KDELR2: variants seen among roughly 807,000 people sequenced by gnomAD.
KDELR2 encodes the protein KDEL endoplasmic reticulum protein retention receptor 2, also known as ER lumen protein-retaining receptor 2.
In KDELR2, 15 loss-of-function variants were observed where a neutral mutation model predicts 23.9. The ratio of observed to expected loss-of-function variants is 0.63; its 90% CI spans 0.42 to 0.97. KDELR2 has a LOEUF of 0.97. KDELR2 is among the 50% of genes least tolerant of loss of function. KDELR2 has a pLI of 0.00. For synonymous variants in KDELR2, 119 were observed against 106.2 expected (o/e 1.12, Z -0.74); for missense variants, 272 against 254.6 (o/e 1.07, Z -0.46).
chr7:6,462,924 A>C lies in KDELR2; in HGVS notation c.*217T>G, dbSNP rs764794722. On this transcript the variant is annotated 3_prime_UTR_variant, in exon 5 of 5. Coordinates refer to ENST00000258739, the MANE Select transcript of KDELR2 (RefSeq NM_006854.4). ...AGCATTAAGTTTCTTTGTGTAAAAAAATCTTTGTACACAGTAATAAAAAAA... is the reference window on the plus strand; with the variant it reads ...AGCATTAAGTTTCTTTGTGTAAAAACATCTTTGTACACAGTAATAAAAAAA... 1.0e-5 allele frequency: 15 copies of C among 1,502,180 alleles called. No homozygotes were observed. In the Admixed American group the frequency reaches 1.8e-4, roughly 18 times the overall value. 93.1% of individuals were successfully genotyped at this position (1,502,180 alleles called of 1,614,324 possible).
intron 2 of KDELR2, among the ~76,000 whole-genome samples, chr7:6,473,117 C>G (rs576534806): frequency 9.1e-6 from 1 of 109,924 alleles, no homozygotes; most frequent in Admixed American, 1.1e-4. Flanking sequence ...AGACAGGGGT[C>G]TAACTATGTT....
intron 1 of KDELR2, among the ~76,000 whole-genome samples, chr7:6,477,697 G>A (rs546774622): frequency 6.6e-6 from 1 of 152,302 alleles, no homozygotes; most frequent in East Asian, 1.9e-4. Context: ...GTCTCTCTCT[G>A]TAGCCCAGGC....
In KDELR2 at chr7:6,462,915, G is replaced by C. The variant is rs767012520; in HGVS notation, c.*226C>G. 14 of 1,442,018 alleles carry C rather than the reference G, an allele frequency of 9.7e-6. No homozygotes were observed. In the East Asian group the frequency reaches 1.6e-4, roughly 17 times the overall value. 89.3% of individuals were successfully genotyped at this position (1,442,018 alleles called of 1,614,324 possible). On this transcript the variant is annotated 3_prime_UTR_variant, in exon 5 of 5. Coordinates refer to ENST00000258739, the MANE Select transcript of KDELR2 (RefSeq NM_006854.4). ...TATTAATACAGCATTAAGTTTCTTT[G>C]TGTAAAAAAATCTTTGTACACAGTA...
At chr7:6,478,324 T>G (rs1785799276) in intron 1 of KDELR2, among the ~76,000 whole-genome samples, 1 of 151,978 alleles carries the variant, frequency 6.6e-6, no homozygotes, top group Non-Finnish European at 1.5e-5. Flanking sequence ...TTTTTCATTT[T>G]TTTTGTAGAG....
At chr7:6,474,060 G>C (rs568605461) in intron 2 of KDELR2, 124 bp downstream of exon 2, 7 of 622,922 alleles carry the variant, frequency 1.1e-5, no homozygotes, top group African/African-American at 1.1e-4. Flanking sequence ...TTAAAGTCAA[G>C]AACAGCATAT....
intron 3 of KDELR2, 120 bp downstream of exon 3, chr7:6,469,476 C>A (rs753807064): frequency 1.1e-6 from 1 of 880,592 alleles, no homozygotes; most frequent in South Asian, 1.7e-5. Context: ...AGGCTGGTCT[C>A]GAACTCCTGA....
chr7:6,481,846 T>C (rs1430100348), intron 1 of KDELR2, among the ~76,000 whole-genome samples: 1 of 152,234 alleles, frequency 6.6e-6, no homozygotes, highest in Admixed American at 6.5e-5. Flanking sequence ...GACATTCATC[T>C]ATCCAATCCT....
intron 1 of KDELR2, among the ~76,000 whole-genome samples, chr7:6,479,031 C>T (rs1243206319): frequency 6.6e-6 from 1 of 152,114 alleles, no homozygotes; most frequent in Non-Finnish European, 1.5e-5. Context: ...TCAGGTGATC[C>T]ACCTACCTCG....
At chr7:6,473,485 T>C (rs1044320734) in intron 2 of KDELR2, among the ~76,000 whole-genome samples, 15 of 152,304 alleles carry the variant, frequency 9.8e-5, no homozygotes, top group African/African-American at 3.4e-4. Context: ...CTACACAAAG[T>C]GTTAGGTGGT....
chr7:6,483,964 C>T lies in KDELR2; in HGVS notation c.91+3G>A. 6.6e-7 allele frequency: 1 copy of T among 1,515,420 alleles called. No individual in the cohort carries two copies. Among genetic ancestry groups the T allele is most frequent in the Non-Finnish European group, 8.9e-7 (1 of 1,127,948 alleles). 93.9% of individuals were successfully genotyped at this position (1,515,420 alleles called of 1,614,324 possible). A position where few individuals can be genotyped will look rare whatever the true frequency, so the allele number is the denominator to read the frequency against. ...CCTCTCCGGGCCTTCCCCCGCCGCTCACCGGCGCAGGAGCGCGTCTTCCAG... is the reference window on the plus strand; with the variant it reads ...CCTCTCCGGGCCTTCCCCCGCCGCTTACCGGCGCAGGAGCGCGTCTTCCAG... On this transcript the variant is annotated splice_donor_region_variant and intron_variant, in intron 1 of 4. Transcript: ENST00000258739.
intron 1 of KDELR2, among the ~76,000 whole-genome samples, chr7:6,483,676 C>G (rs1785962029): frequency 6.6e-6 from 1 of 152,246 alleles, no homozygotes; most frequent in African/African-American, 2.4e-5. Flanking sequence ...CCGTCCCACG[C>G]CAACTTTTCA....
intron 2 of KDELR2, 77 bp from the exon 3 acceptor site, chr7:6,469,831 A>G (rs1252606231): frequency 2.4e-6 from 3 of 1,274,408 alleles, no homozygotes; most frequent in Non-Finnish European, 2.1e-6. Flanking sequence ...TTAATCACCC[A>G]TGTATTTGGA....
chr7:6,475,029 G>C (rs1009246514), intron 1 of KDELR2, among the ~76,000 whole-genome samples: 1 of 152,182 alleles, frequency 6.6e-6, no homozygotes, highest in Non-Finnish European at 1.5e-5. Flanking sequence ...ATGAGGAGTA[G>C]ATGAGAAGCA....
chr7:6,481,396 C>G (rs114251923), intron 1 of KDELR2, among the ~76,000 whole-genome samples: 2,496 of 147,682 alleles, frequency 0.017, 74 homozygotes, highest in African/African-American at 0.057. Context: ...AAAAAAAAAT[C>G]ATTATTCTGA....
intron 1 of KDELR2, among the ~76,000 whole-genome samples, chr7:6,482,864 G>T (rs1448735280): frequency 6.7e-6 from 1 of 150,090 alleles, no homozygotes; most frequent in African/African-American, 2.4e-5. Context: ...AGTTAGCCAG[G>T]CATGGTGGTG....
intron 2 of KDELR2, among the ~76,000 whole-genome samples, chr7:6,471,470 G>C (rs952649187): frequency 5.3e-5 from 8 of 152,094 alleles, no homozygotes; most frequent in Non-Finnish European, 1.2e-4. Flanking sequence ...GTGAGCCACA[G>C]CACCCGGCCT....
intron 1 of KDELR2, among the ~76,000 whole-genome samples, chr7:6,481,557 A>G (rs1282756796): frequency 2.6e-5 from 4 of 152,002 alleles, no homozygotes. Flanking sequence ...AAGCAAAACT[A>G]AAGATTAAAA....
At chr7:6,476,971 G>C (rs1785767841) in intron 1 of KDELR2, among the ~76,000 whole-genome samples, 1 of 152,032 alleles carries the variant, frequency 6.6e-6, no homozygotes, top group Middle Eastern at 3.2e-3. Flanking sequence ...GCAGGACTCA[G>C]AAAATATTTG....
chr7:6,468,772 G>A (rs368363622), intron 3 of KDELR2, among the ~76,000 whole-genome samples: 2 of 152,138 alleles, frequency 1.3e-5, no homozygotes, highest in Non-Finnish European at 2.9e-5. Flanking sequence ...CCAAAGTGCT[G>A]GGATTACAGG....
Sources: allele counts gnomAD v4.1 joint callset (sites outside exome capture counted in the v4.1 genomes callset), GRCh38; gene constraint gnomAD v4.1.1; transcripts MANE v1.5; gene names NCBI Gene and HGNC (gene_info 2026-07-23, HGNC 2026-07-21).